Variants in ZNF292 observed in about 807,000 individuals in gnomAD.
The protein encoded by ZNF292 is zinc finger protein 292.
In ZNF292, 26 loss-of-function variants were observed where a neutral mutation model predicts 217.9. The observed-to-expected ratio is 0.12, with a 90% CI of 0.09 to 0.17. ZNF292 has a LOEUF of 0.17. Among genes scored for constraint, ZNF292 ranks in the 10% least tolerant of loss-of-function variants. The probability of loss-of-function intolerance (pLI) is 1.00; values close to 1 mark genes in which losing one functional copy is unlikely to be tolerated. For synonymous variants in ZNF292, 1,257 were observed against 1,124.1 expected (o/e 1.12, Z -2.37); for missense variants, 2,904 against 3,175.2 (o/e 0.91, Z 2.05).
intron 5 of ZNF292, among the ~76,000 whole-genome samples, chr6:87,236,702 A>G (rs1296485381): frequency 6.6e-6 from 1 of 152,178 alleles, no homozygotes; most frequent in East Asian, 1.9e-4. Flanking sequence ...TTGATATATA[A>G]TCTTTCTGAC....
At position 87,162,164 on chromosome 6, in the gene ZNF292, CTGAGGAGGTACTA is replaced by C. The variant is rs1428142037; in HGVS notation, c.168+6407_168+6419del. ...GGCTGGGGTATCAGGGAAGGCTTTC[CTGAGGAGGTACTA>C]TTTGAGCTAGTCTTCATTACCTTTG... On this transcript the variant is annotated intron_variant, in intron 1 of 7. Transcript: ENST00000369577. 5.9e-5 allele frequency among the ~76,000 whole-genome samples: 9 copies of C among 152,218 alleles called. No homozygotes were observed. The East Asian group carries it at 1.7e-3, about 29-fold the overall frequency.
At chr6:87,194,904 A>G (rs568431968) in intron 1 of ZNF292, among the ~76,000 whole-genome samples, 74 of 148,118 alleles carry the variant, frequency 5.0e-4, no homozygotes, top group Non-Finnish European at 9.2e-4. Context: ...AAATGTCTAT[A>G]TACTATATTA....
chr6:87,240,665 C>T (rs971824748), intron 5 of ZNF292, among the ~76,000 whole-genome samples: 1 of 152,174 alleles, frequency 6.6e-6, no homozygotes, highest in Non-Finnish European at 1.5e-5. Context: ...ACGTGATCCA[C>T]CCCATTGGCT....
At chr6:87,230,337 G>A (rs928215322) in intron 4 of ZNF292, among the ~76,000 whole-genome samples, 4 of 152,140 alleles carry the variant, frequency 2.6e-5, no homozygotes, top group African/African-American at 9.7e-5. Context: ...GTGGTACATA[G>A]TACACAATTA....
intron 7 of ZNF292, among the ~76,000 whole-genome samples, chr6:87,249,621 G>A (rs2127847834): frequency 6.6e-6 from 1 of 152,240 alleles, no homozygotes; most frequent in East Asian, 1.9e-4. Context: ...TTAAAGTTAA[G>A]CTATAGTGAT....
At chr6:87,190,289 G>A (rs938494386) in intron 1 of ZNF292, among the ~76,000 whole-genome samples, 9 of 152,044 alleles carry the variant, frequency 5.9e-5, no homozygotes, top group Non-Finnish European at 1.3e-4. Context: ...CTTCATTCAG[G>A]TACTTTCAGA....
In ZNF292 at chr6:87,157,240, C is replaced by A. The variant is rs147799663; in HGVS notation, c.168+1481C>A. Among the ~76,000 whole-genome samples, 923 of 152,258 alleles carry A rather than the reference C, an allele frequency of 6.1e-3. 15 individuals carry two copies. The highest frequency in any genetic ancestry group is 0.021 in the African/African-American group (881 of 41,534). ...TAGGAGGATGTGCAATGTGAAAGCT[C>A]CCTACTTAGGTAAATAGGTCTGGTG... On this transcript the variant is annotated intron_variant, in intron 1 of 7. Transcript: ENST00000369577.
At chr6:87,168,106 A>G (rs183443904) in intron 1 of ZNF292, among the ~76,000 whole-genome samples, 1 of 152,306 alleles carries the variant, frequency 6.6e-6, no homozygotes, top group East Asian at 1.9e-4. Flanking sequence ...GATTGAAGAG[A>G]AAGGGAATCA....
intron 1 of ZNF292, among the ~76,000 whole-genome samples, chr6:87,159,470 C>T (rs1418454484): frequency 6.7e-6 from 1 of 149,608 alleles, no homozygotes; most frequent in African/African-American, 2.4e-5. Context: ...TCAAGTGATC[C>T]TCCTGTCTCA....
At chr6:87,186,918 C>A (rs760403813) in intron 1 of ZNF292, among the ~76,000 whole-genome samples, 5 of 152,198 alleles carry the variant, frequency 3.3e-5, no homozygotes, top group African/African-American at 7.2e-5. Context: ...TTTCCTCCAA[C>A]TACTCACGTT....
rs1000744487 is a variant in ZNF292 at position 87,160,601 on chromosome 6, A to T, written c.168+4842A>T. 8.6e-5 allele frequency among the ~76,000 whole-genome samples: 13 copies of T among 151,814 alleles called. 1 individual carries two copies. Among genetic ancestry groups the T allele is most frequent in the Non-Finnish European group, 1.9e-4 (13 of 67,978 alleles). On this transcript the variant is annotated intron_variant, in intron 1 of 7. Coordinates refer to ENST00000369577, the MANE Select transcript of ZNF292 (RefSeq NM_015021.3). The stretch of plus-strand genomic sequence containing the variant: ...TAAAAAAATATGTTTGTGTGTATAT[A>T]TACATATATACGATGTGTGTGTGTA...
chr6:87,204,439 T>G (rs1416557357), intron 1 of ZNF292, among the ~76,000 whole-genome samples: 1 of 152,074 alleles, frequency 6.6e-6, no homozygotes, highest in East Asian at 1.9e-4. Context: ...ACCAAATAGC[T>G]TAGGAAAAAA....
intron 4 of ZNF292, among the ~76,000 whole-genome samples, chr6:87,225,210 T>G (rs1773285357): frequency 6.6e-6 from 1 of 152,236 alleles, no homozygotes; most frequent in Admixed American, 6.5e-5. Context: ...TTGGGTTGTT[T>G]GTTTTCTTAT....
At chr6:87,225,242 T>C (rs1175717420) in intron 4 of ZNF292, among the ~76,000 whole-genome samples, 1 of 152,214 alleles carries the variant, frequency 6.6e-6, no homozygotes, top group Non-Finnish European at 1.5e-5. Context: ...AACAGTTCTT[T>C]GTATATTTTG....
intron 1 of ZNF292, among the ~76,000 whole-genome samples, chr6:87,200,214 A>G (rs1772065904): frequency 6.6e-6 from 1 of 152,254 alleles, no homozygotes; most frequent in Non-Finnish European, 1.5e-5. Flanking sequence ...GATTTGAGCC[A>G]TGTATTTACC....
chr6:87,214,224 A>G (rs1252422318), intron 1 of ZNF292, among the ~76,000 whole-genome samples: 1 of 152,186 alleles, frequency 6.6e-6, no homozygotes. Flanking sequence ...GACCAGCTAC[A>G]ATGTCATTTG....
rs1336145040 is a variant in ZNF292, at chr6:87,156,140, C to CCGCCTCTG, written c.168+391_168+398dup. Reference sequence around the variant, plus strand: ...TGTGCACTGGGGATTACCGCGCCTCCCGCCTCTGCGCCTCTGCTTCCCACT... The same window carrying CCGCCTCTG: ...TGTGCACTGGGGATTACCGCGCCTCCCGCCTCTGCGCCTCTGCGCCTCTGCTTCCCACT... On this transcript the variant is annotated intron_variant, in intron 1 of 7. Coordinates refer to ENST00000369577, the MANE Select transcript of ZNF292 (RefSeq NM_015021.3). 2.6e-5 allele frequency among the ~76,000 whole-genome samples: 4 copies of CCGCCTCTG among 152,242 alleles called. No individual in the cohort carries two copies. The East Asian group carries it at 5.8e-4, about 22-fold the overall frequency.
intron 1 of ZNF292, among the ~76,000 whole-genome samples, chr6:87,192,524 C>T (rs1771847596): frequency 6.6e-6 from 1 of 152,096 alleles, no homozygotes; most frequent in Non-Finnish European, 1.5e-5. Flanking sequence ...ATCATGGACA[C>T]TCTTCCACAT....
chr6:87,222,268 C>A (rs1232749148), intron 4 of ZNF292, among the ~76,000 whole-genome samples: 2 of 152,072 alleles, frequency 1.3e-5, no homozygotes, highest in Admixed American at 6.5e-5. Context: ...AGAAATCAAG[C>A]TTCTGGGATA....
Sources: allele counts gnomAD v4.1 joint callset (sites outside exome capture counted in the v4.1 genomes callset), GRCh38; gene constraint gnomAD v4.1.1; transcripts MANE v1.5; gene names NCBI Gene and HGNC (gene_info 2026-07-23, HGNC 2026-07-21).